BABAM2: variants seen among roughly 807,000 people sequenced by gnomAD.
BABAM2 encodes BRISC and BRCA1-A complex member 2.
BABAM2 carries 31 observed loss-of-function variants against 54.7 expected under a neutral mutation model. That is an observed-to-expected ratio of 0.57 (90% CI 0.43 to 0.77). BABAM2 has a LOEUF of 0.77. Ranked by LOEUF, BABAM2 falls within the 30% of genes least tolerant of loss-of-function variation. The pLI, the probability that BABAM2 is intolerant of heterozygous loss-of-function variation, is 0.00. For synonymous variants in BABAM2, 167 were observed against 162.9 expected (o/e 1.03, Z -0.19); for missense variants, 364 against 455.8 (o/e 0.80, Z 1.83).
At chr2:28,036,802 T>C (rs1008295575) in intron 5 of BABAM2, among the ~76,000 whole-genome samples, 3 of 152,198 alleles carry the variant, frequency 2.0e-5, no homozygotes, top group African/African-American at 7.2e-5. Flanking sequence ...GGAAACTGAG[T>C]GTCCCGATTA....
At chr2:28,271,182 T>C (rs539257823) in intron 10 of BABAM2, among the ~76,000 whole-genome samples, 1 of 152,366 alleles carries the variant, frequency 6.6e-6, no homozygotes, top group East Asian at 1.9e-4. Flanking sequence ...CTGCTTCACA[T>C]ATATGGACGT....
chr2:28,334,821 G>A (rs1353900905), intron 11 of BABAM2, among the ~76,000 whole-genome samples: 5 of 152,180 alleles, frequency 3.3e-5, no homozygotes, highest in Non-Finnish European at 5.9e-5. Flanking sequence ...CCTACTGTTC[G>A]TAAGGGAACA....
At chr2:28,175,583 G>C (rs1357261998) in intron 7 of BABAM2, among the ~76,000 whole-genome samples, 1 of 152,220 alleles carries the variant, frequency 6.6e-6, no homozygotes, top group Non-Finnish European at 1.5e-5. Context: ...CTGGAGTCCT[G>C]GGGATTGGAC....
At chr2:28,336,958 G>T (rs961169138) in intron 11 of BABAM2, among the ~76,000 whole-genome samples, 1 of 152,330 alleles carries the variant, frequency 6.6e-6, no homozygotes, top group South Asian at 2.1e-4. Context: ...TGCTGCTTCT[G>T]ATCTCCTGGG....
intron 7 of BABAM2, among the ~76,000 whole-genome samples, chr2:28,173,570 C>T (rs1674591981): frequency 6.6e-6 from 1 of 152,234 alleles, no homozygotes; most frequent in Admixed American, 6.5e-5. Flanking sequence ...ATCTGGCTCC[C>T]AGGCCGTTGA....
intron 10 of BABAM2, among the ~76,000 whole-genome samples, chr2:28,268,660 C>T (rs779697196): frequency 2.1e-4 from 32 of 152,162 alleles, no homozygotes; most frequent in Admixed American, 2.6e-4. Flanking sequence ...ACTGGTTTTC[C>T]TAATGCTGTG....
At chr2:28,117,084 C>A (rs1405587461) in intron 6 of BABAM2, among the ~76,000 whole-genome samples, 2 of 152,176 alleles carry the variant, frequency 1.3e-5, no homozygotes, top group East Asian at 1.9e-4. Flanking sequence ...GGATGTGTTA[C>A]TGTGCTGTTT....
intron 1 of BABAM2, among the ~76,000 whole-genome samples, chr2:27,894,246 G>A (rs1363718716): frequency 4.6e-5 from 7 of 152,082 alleles, no homozygotes; most frequent in Admixed American, 4.6e-4. Context: ...GGACCACTTT[G>A]AGTAGAGTGT....
chr2:28,092,749 CCTCTCTCTCT>C (rs70953901), intron 6 of BABAM2, among the ~76,000 whole-genome samples: 1 of 146,820 alleles, frequency 6.8e-6, no homozygotes, highest in Admixed American at 6.8e-5. Context: ...TTCGTCTCTG[CCTCTCTCTCT>C]CTCTCTCTCT....
chr2:28,217,774 T>C (rs897394002), intron 7 of BABAM2, among the ~76,000 whole-genome samples: 1 of 152,228 alleles, frequency 6.6e-6, no homozygotes, highest in Non-Finnish European at 1.5e-5. Context: ...AGTCTATAGG[T>C]ATTTATTGCT....
rs937373695 is a variant in BABAM2 at position 28,181,139 on chromosome 2, A to G, written c.680+51759A>G. Among the ~76,000 whole-genome samples, 7 of 152,342 alleles carry G rather than the reference A, an allele frequency of 4.6e-5. No homozygotes were observed. In the South Asian group the frequency reaches 1.4e-3, roughly 32 times the overall value. ...TATCCAAAGGAAAGGAAATAAGTAT[A>G]TCTAAGGAGATACCTGTACCCCCAT... On this transcript the variant is annotated intron_variant, in intron 7 of 11. Coordinates refer to ENST00000379624, the MANE Select transcript of BABAM2 (RefSeq NM_199191.3).
At chr2:27,990,616 C>T (rs1347318217) in intron 4 of BABAM2, among the ~76,000 whole-genome samples, 2 of 151,912 alleles carry the variant, frequency 1.3e-5, no homozygotes, top group Non-Finnish European at 2.9e-5. Context: ...TGAAGTAGTT[C>T]CTGTGGCAGG....
chr2:28,000,894 G>GT (rs1182520316), intron 4 of BABAM2, among the ~76,000 whole-genome samples: 2 of 151,962 alleles, frequency 1.3e-5, no homozygotes, highest in Non-Finnish European at 2.9e-5. Flanking sequence ...ATTTGTTTGT[G>GT]TTTTTTTGTG....
chr2:28,262,104 A>G (rs1031325758), intron 10 of BABAM2, among the ~76,000 whole-genome samples: 1 of 152,226 alleles, frequency 6.6e-6, no homozygotes, highest in African/African-American at 2.4e-5. Context: ...TTCCAAGCTG[A>G]GAGCCTGGTG....
intron 7 of BABAM2, among the ~76,000 whole-genome samples, chr2:28,161,019 A>G (rs1389691689): frequency 6.6e-6 from 1 of 152,188 alleles, no homozygotes; most frequent in East Asian, 1.9e-4. Flanking sequence ...TTTATTAATG[A>G]TTAATCATGA....
intron 10 of BABAM2, 62 bp from the exon 11 acceptor site, chr2:28,298,273 CAAA>C: frequency 1.7e-6 from 2 of 1,202,086 alleles, no homozygotes; most frequent in South Asian, 1.6e-5. Context: ...CGGATTTAGT[CAAA>C]AAAAAAAATC....
At chr2:28,136,568 C>A (rs1198084440) in intron 7 of BABAM2, among the ~76,000 whole-genome samples, 1 of 152,228 alleles carries the variant, frequency 6.6e-6, no homozygotes, top group Non-Finnish European at 1.5e-5. Flanking sequence ...TGTGGCTAGC[C>A]AGGAGGATAC....
chr2:28,018,306 A>G (rs751854249), intron 4 of BABAM2, among the ~76,000 whole-genome samples: 20 of 152,190 alleles, frequency 1.3e-4, no homozygotes, highest in Non-Finnish European at 2.8e-4. Flanking sequence ...AATAGTCTCC[A>G]ATTCCATCCA....
At chr2:27,930,493 G>A (rs6722298) in intron 3 of BABAM2, 150,496 of 152,426 alleles carry the variant, frequency 0.99, 74,330 homozygotes, top group East Asian at 1. Flanking sequence ...AAACTGGGAC[G>A]CCCTGTCACT....
Sources: gnomAD v4.1 joint callset for allele counts (sites outside exome capture counted in the v4.1 genomes callset) on GRCh38, gnomAD v4.1.1 for gene constraint, MANE v1.5 for transcripts, NCBI Gene and HGNC (gene_info 2026-07-23, HGNC 2026-07-21) for gene names.